Variants in PTPRJ observed in about 807,000 individuals in gnomAD.
PTPRJ encodes protein tyrosine phosphatase receptor type J.
Under a neutral mutation model 141.3 loss-of-function variants are expected in PTPRJ, and 129 were observed. That is an observed-to-expected ratio of 0.91 (90% CI 0.79 to 1.06). The LOEUF is 1.06. PTPRJ is among the 50% of genes least tolerant of loss of function. The pLI, the probability that PTPRJ is intolerant of heterozygous loss-of-function variation, is 0.00. For synonymous variants in PTPRJ, 610 were observed against 640.5 expected (o/e 0.95, Z 0.72); for missense variants, 1,601 against 1,679.7 (o/e 0.95, Z 0.82).
chr11:48,000,140 C>CTTTT (rs1168869186), intron 1 of PTPRJ, among the ~76,000 whole-genome samples: 1 of 121,366 alleles, frequency 8.2e-6, no homozygotes, highest in Non-Finnish European at 1.7e-5. Flanking sequence ...ATGCCTGGCC[C>CTTTT]TTTTTTTTTT....
chr11:48,115,132 G>C (rs1856533394), intron 3 of PTPRJ, among the ~76,000 whole-genome samples: 1 of 152,140 alleles, frequency 6.6e-6, no homozygotes, highest in Admixed American at 6.5e-5. Flanking sequence ...GAGGTAGAAA[G>C]CTTATTTAAA....
chr11:48,111,373 T>G (rs1856436914), intron 2 of PTPRJ, among the ~76,000 whole-genome samples: 1 of 151,318 alleles, frequency 6.6e-6, no homozygotes, highest in Non-Finnish European at 1.5e-5. Context: ...AAAACCATGG[T>G]TTTTGTTTCT....
intron 1 of PTPRJ, among the ~76,000 whole-genome samples, chr11:48,001,851 AG>A (rs1314837311): frequency 1.3e-5 from 2 of 152,196 alleles, no homozygotes; most frequent in Non-Finnish European, 2.9e-5. Context: ...GCCCCGGAAC[AG>A]GTAGTGGTGC....
intron 1 of PTPRJ, among the ~76,000 whole-genome samples, chr11:48,095,530 C>T (rs1483893109): frequency 1.3e-5 from 2 of 151,136 alleles, no homozygotes; most frequent in East Asian, 1.9e-4. Context: ...CTTCTGAAGA[C>T]GAGTGCACCT....
intron 1 of PTPRJ, among the ~76,000 whole-genome samples, chr11:48,068,940 C>T (rs2134269806): frequency 6.6e-6 from 1 of 152,274 alleles, no homozygotes; most frequent in South Asian, 2.1e-4. Flanking sequence ...TCTGCTGATA[C>T]TCTTATTTTT....
intron 1 of PTPRJ, among the ~76,000 whole-genome samples, chr11:48,011,191 A>T (rs892812604): frequency 4.7e-4 from 71 of 152,152 alleles, no homozygotes; most frequent in African/African-American, 1.7e-3. Flanking sequence ...AATCTATAAG[A>T]CTTGATTAGT....
At chr11:47,990,156 CA>C (rs984133712) in intron 1 of PTPRJ, among the ~76,000 whole-genome samples, 5 of 152,012 alleles carry the variant, frequency 3.3e-5, no homozygotes, top group African/African-American at 1.2e-4. Flanking sequence ...AAAAAACAAA[CA>C]AACAAAAAAC....
intron 6 of PTPRJ, among the ~76,000 whole-genome samples, chr11:48,125,754 G>A (rs1021912149): frequency 6.6e-6 from 1 of 152,206 alleles, no homozygotes; most frequent in African/African-American, 2.4e-5. Flanking sequence ...TACTGGCCAG[G>A]CTGTGTTACT....
At chr11:48,126,539 G>A (rs964628075) in intron 6 of PTPRJ, among the ~76,000 whole-genome samples, 1 of 151,956 alleles carries the variant, frequency 6.6e-6, no homozygotes, top group African/African-American at 2.4e-5. Context: ...CCTGGGCTCC[G>A]GGTGAAACAC....
chr11:48,067,535 A>T (rs1855118805), intron 1 of PTPRJ, among the ~76,000 whole-genome samples: 1 of 152,178 alleles, frequency 6.6e-6, no homozygotes, highest in South Asian at 2.1e-4. Flanking sequence ...AAGAGAAGAG[A>T]GTCTTATCCT....
At chr11:48,004,026 G>A (rs1201749273) in intron 1 of PTPRJ, among the ~76,000 whole-genome samples, 1 of 152,176 alleles carries the variant, frequency 6.6e-6, no homozygotes, top group Non-Finnish European at 1.5e-5. Context: ...ACTCTTAACT[G>A]TAGCCAGAAA....
intron 1 of PTPRJ, among the ~76,000 whole-genome samples, chr11:48,063,111 T>G (rs1157374407): frequency 3.9e-5 from 6 of 152,192 alleles, no homozygotes; most frequent in Non-Finnish European, 8.8e-5. Context: ...GTGGATCACC[T>G]GAGGTCGGGA....
At chr11:48,066,988 G>T (rs1178478888) in intron 1 of PTPRJ, among the ~76,000 whole-genome samples, 2 of 152,132 alleles carry the variant, frequency 1.3e-5, no homozygotes, top group Non-Finnish European at 2.9e-5. Context: ...ATGATTGTGG[G>T]TACCTCCCAG....
At chr11:48,071,559 C>T (rs12279082) in intron 1 of PTPRJ, among the ~76,000 whole-genome samples, 2,380 of 147,302 alleles carry the variant, frequency 0.016, 63 homozygotes, top group African/African-American at 0.056. Flanking sequence ...CCTCCCGCCT[C>T]GGCCTCCCAA....
intron 1 of PTPRJ, among the ~76,000 whole-genome samples, chr11:48,052,427 AC>A (rs1854596083): frequency 6.6e-6 from 1 of 152,136 alleles, no homozygotes; most frequent in Non-Finnish European, 1.5e-5. Flanking sequence ...GGGTGGCCTC[AC>A]CCGCTCCTTG....
At chr11:48,040,594 TTTCTTC>T (rs961019771) in intron 1 of PTPRJ, among the ~76,000 whole-genome samples, 5 of 149,902 alleles carry the variant, frequency 3.3e-5, no homozygotes, top group East Asian at 1.9e-4. Context: ...TCTTACTTTC[TTTCTTC>T]TTCTTCTTCT....
intron 1 of PTPRJ, among the ~76,000 whole-genome samples, chr11:48,051,004 A>G (rs1205417868): frequency 6.6e-6 from 1 of 151,176 alleles, no homozygotes; most frequent in Non-Finnish European, 1.5e-5. Context: ...CTGTTTTGCC[A>G]AGGCGTCTGG....
chr11:48,130,707 A>G lies in PTPRJ; in HGVS notation c.1606A>G (p.Asn536Asp), dbSNP rs1042438284. 32 of 1,607,720 alleles carry G rather than the reference A, an allele frequency of 2.0e-5. No individual in the cohort carries two copies. Among genetic ancestry groups the G allele is most frequent in the Admixed American group, 1.2e-4 (7 of 59,386 alleles). The part of the protein sequence containing the change: ...GTEGASRTVC[N>D]RTVPSAVFDI... ...TGAAGGGGCATCTCGGACAGTTTGC[A>G]ATAGAACTGGTAAGCAAATAGGCTT... The change falls in exon 8 of 25, where the codon AAT becomes GAT. Residue 536 changes from asparagine to aspartate, a missense_variant. Physicochemically the swap from Asn to Asp is conservative, Grantham distance 23. Coordinates refer to ENST00000418331, the MANE Select transcript of PTPRJ (RefSeq NM_002843.4).
intron 4 of PTPRJ, among the ~76,000 whole-genome samples, chr11:48,122,119 G>A (rs1856721381): frequency 6.6e-6 from 1 of 152,130 alleles, no homozygotes; most frequent in Non-Finnish European, 1.5e-5. Flanking sequence ...GGAGAGAAAA[G>A]AGCCAAAGAA....
Sources: allele counts gnomAD v4.1 joint callset (sites outside exome capture counted in the v4.1 genomes callset), GRCh38; gene constraint gnomAD v4.1.1; transcripts MANE v1.5; gene names NCBI Gene and HGNC (gene_info 2026-07-23, HGNC 2026-07-21).